CDH13: variants seen among roughly 807,000 people sequenced by gnomAD.
CDH13 encodes the protein cadherin-13.
In CDH13, 24 loss-of-function variants were observed where a neutral mutation model predicts 63.8. The ratio of observed to expected loss-of-function variants is 0.38; its 90% CI spans 0.27 to 0.53. The LOEUF is 0.53. Among genes scored for constraint, CDH13 ranks in the 20% least tolerant of loss-of-function variants. CDH13 has a pLI of 0.85. For synonymous variants in CDH13, 503 were observed against 355.3 expected (o/e 1.42, Z -4.67); for missense variants, 1,049 against 903.1 (o/e 1.16, Z -2.07).
rs1374666753 is a variant in CDH13, at chr16:82,746,245, CTGTTTATATATATG to C, written c.46-112104_46-112091del. ...ATATATGTGTTTATATATAAACACA[CTGTTTATATATATG>C]TGTTTATATATAAACACACTGTATG... On this transcript the variant is annotated intron_variant, in intron 1 of 13. Transcript: ENST00000567109. Among the ~76,000 whole-genome samples the C allele has an allele frequency of 8.0e-5, 7 of 86,962 alleles. No homozygotes were observed. The East Asian group carries it at 1.8e-3, about 23-fold the overall frequency. 57.1% of individuals were successfully genotyped at this position (86,962 alleles called of 152,430 possible). A position where few individuals can be genotyped will look rare whatever the true frequency, so the allele number is the denominator to read the frequency against.
intron 1 of CDH13, among the ~76,000 whole-genome samples, chr16:82,796,348 A>T (rs983986108): frequency 6.6e-6 from 1 of 152,172 alleles, no homozygotes; most frequent in African/African-American, 2.4e-5. Flanking sequence ...TCTTCCATTT[A>T]GAACCACCTT....
intron 7 of CDH13, among the ~76,000 whole-genome samples, chr16:83,500,876 G>T (rs541385972): frequency 2.0e-5 from 3 of 151,944 alleles, no homozygotes; most frequent in Non-Finnish European, 2.9e-5. Flanking sequence ...CACCACAACC[G>T]GCCTAGAGAC....
At chr16:83,162,462 G>A (rs189970415) in intron 4 of CDH13, among the ~76,000 whole-genome samples, 1 of 152,292 alleles carries the variant, frequency 6.6e-6, no homozygotes, top group East Asian at 1.9e-4. Flanking sequence ...AGAATACGTA[G>A]CAAGTAAATG....
At chr16:83,534,848 G>C (rs57565725) in intron 7 of CDH13, among the ~76,000 whole-genome samples, 1 of 152,094 alleles carries the variant, frequency 6.6e-6, no homozygotes, top group Non-Finnish European at 1.5e-5. Flanking sequence ...CCCAAAATTG[G>C]GTCATCAAAG....
intron 1 of CDH13, among the ~76,000 whole-genome samples, chr16:82,698,544 G>T (rs1413383581): frequency 6.6e-6 from 1 of 152,188 alleles, no homozygotes; most frequent in South Asian, 2.1e-4. Context: ...GCTTTGCTCC[G>T]TGACTTTCCC....
In CDH13 at chr16:83,682,349, G is replaced by A. The variant is rs76731266; in HGVS notation, c.1538+3888G>A. 9.1e-3 allele frequency among the ~76,000 whole-genome samples: 1,381 copies of A among 152,180 alleles called. 63 individuals carry two copies. Among genetic ancestry groups the A allele is most frequent in the Admixed American group, 0.072 (1,094 of 15,286 alleles). ...AGGAAGCTGTTCTGGGTGGTCTTCCGGGTGCACATGTGCAGCAGCTGTACA... is the reference window on the plus strand; with the variant it reads ...AGGAAGCTGTTCTGGGTGGTCTTCCAGGTGCACATGTGCAGCAGCTGTACA... On this transcript the variant is annotated intron_variant, in intron 10 of 13. Transcript: ENST00000567109.
At chr16:83,665,761 T>G (rs1913890398) in intron 8 of CDH13, among the ~76,000 whole-genome samples, 1 of 152,234 alleles carries the variant, frequency 6.6e-6, no homozygotes, top group Admixed American at 6.5e-5. Context: ...TGTCACTTCT[T>G]TCCCATCTGT....
intron 1 of CDH13, chr16:82,705,140 G>T (rs1000103273): frequency 6.6e-6 from 3 of 456,006 alleles, no homozygotes; most frequent in Non-Finnish European, 8.8e-6. Context: ...TAACAGTCTT[G>T]CTGACCACAA....
chr16:82,681,243 G>C (rs1914510840), intron 1 of CDH13, among the ~76,000 whole-genome samples: 1 of 152,210 alleles, frequency 6.6e-6, no homozygotes, highest in Non-Finnish European at 1.5e-5. Context: ...CCTGATGCCG[G>C]TGGCAACGAC....
chr16:83,631,873 C>T (rs1217060760), intron 8 of CDH13, among the ~76,000 whole-genome samples: 2 of 152,200 alleles, frequency 1.3e-5, no homozygotes, highest in African/African-American at 4.8e-5. Context: ...GACCAAACCA[C>T]GCATCAAGGT....
chr16:83,426,373 TA>T (rs546778418), intron 6 of CDH13, among the ~76,000 whole-genome samples: 179 of 152,326 alleles, frequency 1.2e-3, no homozygotes, highest in Non-Finnish European at 2.0e-3. Flanking sequence ...AGCCAACTCA[TA>T]AGACTAAACT....
intron 3 of CDH13, among the ~76,000 whole-genome samples, chr16:83,090,103 C>T (rs891384485): frequency 2.0e-5 from 3 of 152,096 alleles, no homozygotes; most frequent in African/African-American, 7.2e-5. Context: ...TTTGACTGGT[C>T]GTCAACCCCA....
At chr16:83,018,947 G>A (rs1597150205) in intron 2 of CDH13, among the ~76,000 whole-genome samples, 1 of 152,350 alleles carries the variant, frequency 6.6e-6, no homozygotes, top group Admixed American at 6.5e-5. Flanking sequence ...AGGATTGGAA[G>A]ATGCTCTGGG....
intron 4 of CDH13, among the ~76,000 whole-genome samples, chr16:83,130,065 A>T (rs1260408972): frequency 6.6e-6 from 1 of 152,224 alleles, no homozygotes; most frequent in Admixed American, 6.5e-5. Flanking sequence ...ATCTGTTTTT[A>T]TAAGGAACTG....
intron 6 of CDH13, among the ~76,000 whole-genome samples, chr16:83,461,065 C>T (rs1002754690): frequency 6.6e-6 from 1 of 151,414 alleles, no homozygotes; most frequent in South Asian, 2.1e-4. Context: ...GGAAAGGTAG[C>T]AGGCTAAGAT....
intron 10 of CDH13, chr16:83,710,149 C>T (rs978237164): frequency 2.6e-5 from 4 of 152,318 alleles, no homozygotes; most frequent in Non-Finnish European, 4.4e-5. Flanking sequence ...ACTGGACAGC[C>T]TCTCTGCAAC....
intron 8 of CDH13, chr16:83,655,365 C>A (rs1912778105): frequency 6.6e-6 from 1 of 152,276 alleles, no homozygotes; most frequent in South Asian, 2.1e-4. Context: ...AGTACCGAGG[C>A]TTACAGAGGT....
intron 7 of CDH13, among the ~76,000 whole-genome samples, chr16:83,505,910 A>T (rs572447413): frequency 6.6e-6 from 1 of 152,178 alleles, no homozygotes; most frequent in East Asian, 1.9e-4. Flanking sequence ...ACGCATCAGC[A>T]TGTTCCTTCC....
intron 2 of CDH13, among the ~76,000 whole-genome samples, chr16:82,924,464 C>T (rs186999015): frequency 1.3e-4 from 20 of 152,226 alleles, no homozygotes; most frequent in African/African-American, 2.6e-4. Flanking sequence ...GTGGTGGTTG[C>T]GGTTTTCGGG....
Sources: gnomAD v4.1 joint callset for allele counts (sites outside exome capture counted in the v4.1 genomes callset) on GRCh38, gnomAD v4.1.1 for gene constraint, MANE v1.5 for transcripts, NCBI Gene and HGNC (gene_info 2026-07-23, HGNC 2026-07-21) for gene names.